The following TMEM17 variants were observed in gnomAD, a reference collection of about 807,000 sequenced individuals.
TMEM17 encodes transmembrane protein 17.
A neutral mutation model predicts 19.1 loss-of-function variants in TMEM17; 15 were observed. The observed-to-expected ratio is 0.78, with a 90% confidence interval of 0.52 to 1.21. TMEM17 has a LOEUF of 1.21. Ranked by LOEUF, TMEM17 falls within the 50% of genes most tolerant of loss-of-function variation. The pLI is 0.00. For missense variants in TMEM17, 245 were observed against 242.3 expected, an observed-to-expected ratio of 1.01 and a Z score of -0.07; for synonymous variants, 103 against 86.9, an observed-to-expected ratio of 1.19 and a Z score of -1.03.
chr2:62,482,267 T>G, the TMEM17 span, among the ~76,000 whole-genome samples: 1 of 152,244 alleles, frequency 6.6e-6, no homozygotes, highest in Non-Finnish European at 1.5e-5. Context: ...AGCCACCACA[T>G]GTCCTAAACA....
At chr2:62,505,625 G>A (rs1345287244) in intron 1 of TMEM17, among the ~76,000 whole-genome samples, 1 of 152,266 alleles carries the variant, frequency 6.6e-6, no homozygotes, top group African/African-American at 2.4e-5. Context: ...CAGAAAAGCC[G>A]GGGCGGGCGC....
At chr2:62,505,860 C>T (rs1266148072) in intron 1 of TMEM17, among the ~76,000 whole-genome samples, 170 bp downstream of exon 1, 4 of 152,246 alleles carry the variant, frequency 2.6e-5, no homozygotes, top group African/African-American at 9.6e-5. Flanking sequence ...GCCGCCAGCG[C>T]CTCAGCTCCC....
the TMEM17 span, among the ~76,000 whole-genome samples, chr2:62,485,053 C>T: frequency 7.2e-5 from 11 of 152,192 alleles, no homozygotes; most frequent in Non-Finnish European, 1.2e-4. Flanking sequence ...TCCTCCCACC[C>T]TAGCCTCCTG....
chr2:62,486,124 C>T, the TMEM17 span, among the ~76,000 whole-genome samples: 6 of 152,118 alleles, frequency 3.9e-5, no homozygotes, highest in Admixed American at 6.5e-5. Flanking sequence ...TCAGAGTGGA[C>T]GCTCCTGTGG....
At chr2:62,498,273 G>A (rs1679821414), downstream of TMEM17, among the ~76,000 whole-genome samples, 3 of 151,842 alleles carry the variant, frequency 2.0e-5, no homozygotes. Context: ...TGTAATCCCC[G>A]CTACTCTGGA....
chr2:62,501,587 G>T, intron 3 of TMEM17, 100 bp from the exon 4 acceptor site: 1 of 1,172,720 alleles, frequency 8.5e-7, no homozygotes, highest in Non-Finnish European at 1.2e-6. Flanking sequence ...CTACATTATG[G>T]GCTCTGTGAG....
At chr2:62,457,180 G>T in the TMEM17 span, among the ~76,000 whole-genome samples, 1 of 152,224 alleles carries the variant, frequency 6.6e-6, no homozygotes, top group Non-Finnish European at 1.5e-5. This position sits in a 1 kb window ranked among gnomAD's most constrained non-coding sequence, Gnocchi z 4.2. Context: ...GGGGATCGGC[G>T]ACCCCGGGCG....
At chr2:62,466,848 C>T in the TMEM17 span, among the ~76,000 whole-genome samples, 2 of 152,288 alleles carry the variant, frequency 1.3e-5, no homozygotes, top group South Asian at 4.1e-4. Context: ...CTCAACTGCT[C>T]AGCTGCATGC....
At chr2:62,461,887 T>C in the TMEM17 span, among the ~76,000 whole-genome samples, 45 of 152,322 alleles carry the variant, frequency 3.0e-4, no homozygotes, top group African/African-American at 9.9e-4. Flanking sequence ...AATCCAGAGT[T>C]AGTCACTCCA....
At chr2:62,465,999 T>G in the TMEM17 span, among the ~76,000 whole-genome samples, 1 of 152,086 alleles carries the variant, frequency 6.6e-6, no homozygotes, top group Non-Finnish European at 1.5e-5. Context: ...AGAAAGGCAG[T>G]AGGAAGTACC....
In TMEM17 at chr2:62,503,120, C is replaced by A. The variant is rs190563826; in HGVS notation, c.101-326G>T. ...CTATTCAACAGATAATTATCATTGCCTCTTTTGTAGAATTCTATGTAAATA... is the reference window on the plus strand; with the variant it reads ...CTATTCAACAGATAATTATCATTGCATCTTTTGTAGAATTCTATGTAAATA... On this transcript the variant is annotated intron_variant, in intron 1 of 3. Coordinates refer to ENST00000335390, the MANE Select transcript of TMEM17 (RefSeq NM_198276.3). Among the ~76,000 whole-genome samples, 55 of 152,228 alleles carry A rather than the reference C, an allele frequency of 3.6e-4. No homozygotes were observed. In the Middle Eastern group the frequency reaches 0.02, roughly 56 times the overall value.
chr2:62,498,957 T>A (rs1297670149), downstream of TMEM17, among the ~76,000 whole-genome samples: 1 of 152,168 alleles, frequency 6.6e-6, no homozygotes, highest in African/African-American at 2.4e-5. Context: ...TTGATTTTCA[T>A]ATACTTATAT....
At chr2:62,489,565 G>C in the TMEM17 span, among the ~76,000 whole-genome samples, 1 of 151,932 alleles carries the variant, frequency 6.6e-6, no homozygotes, top group African/African-American at 2.4e-5. Context: ...TGCTTATTTG[G>C]GCTTGCTTGC....
At chr2:62,477,433 G>A in the TMEM17 span, among the ~76,000 whole-genome samples, 2 of 152,102 alleles carry the variant, frequency 1.3e-5, no homozygotes, top group African/African-American at 2.4e-5. Context: ...TTGTCTATCT[G>A]ATGGTCAACC....
chr2:62,502,818 C>T (rs200471441), intron 1 of TMEM17, 24 bp from the exon 2 acceptor site: 47 of 1,446,160 alleles, frequency 3.2e-5, no homozygotes, highest in Non-Finnish European at 4.4e-5. Context: ...AGAAAAGGAA[C>T]AAATGATGAA....
rs1254872392 is a variant in TMEM17 at position 62,502,424 on chromosome 2, A to C, written c.318+13T>G. Reference sequence around the variant, plus strand: ...TTATATCTATCACTGAGAGAAAGGAAAAAAGAGCTTACCTTCTCCTGTAGG... The same window carrying C: ...TTATATCTATCACTGAGAGAAAGGACAAAAGAGCTTACCTTCTCCTGTAGG... On this transcript the variant is annotated intron_variant, in intron 3 of 3. Coordinates refer to ENST00000335390, the MANE Select transcript of TMEM17 (RefSeq NM_198276.3). 11 of 1,543,930 alleles carry C rather than the reference A, an allele frequency of 7.1e-6. No individual in the cohort carries two copies. Among genetic ancestry groups the C allele is most frequent in the Non-Finnish European group, 9.8e-6 (11 of 1,119,846 alleles).
At chr2:62,489,348 T>C in the TMEM17 span, among the ~76,000 whole-genome samples, 3 of 152,360 alleles carry the variant, frequency 2.0e-5, no homozygotes, top group Non-Finnish European at 2.9e-5. Context: ...AGTCTCTTTA[T>C]TGGCATGTGT....
chr2:62,502,014 T>G (rs1367555810), intron 3 of TMEM17: 1 of 165,200 alleles, frequency 6.1e-6, no homozygotes, highest in Non-Finnish European at 1.3e-5. Flanking sequence ...TAACCACAAA[T>G]GCTTAGGCAG....
chr2:62,478,112 T>C, the TMEM17 span, among the ~76,000 whole-genome samples: 4 of 152,180 alleles, frequency 2.6e-5, no homozygotes, highest in South Asian at 2.1e-4. Flanking sequence ...CTAAAATAAA[T>C]GACTCTAGTG....
Sources: allele counts gnomAD v4.1 joint callset (sites outside exome capture counted in the v4.1 genomes callset), GRCh38; gene constraint gnomAD v4.1.1; non-coding constraint Gnocchi (gnomAD v3.1); transcripts MANE v1.5; gene names NCBI Gene and HGNC (gene_info 2026-07-23, HGNC 2026-07-21).